SDK1: variants seen among roughly 807,000 people sequenced by gnomAD.
The protein encoded by SDK1 is sidekick cell adhesion molecule 1.
SDK1 carries 157 observed loss-of-function variants against 245.5 expected under a neutral mutation model. That is an observed-to-expected ratio of 0.64 (90% CI 0.56 to 0.73). The LOEUF is 0.73. Among genes scored for constraint, SDK1 ranks in the 30% least tolerant of loss-of-function variants. The pLI is 0.00. For synonymous variants in SDK1, 1,647 were observed against 1,278.5 expected, an observed-to-expected ratio of 1.29 and a Z score of -6.15; for missense variants, 3,583 against 3,002.3, an observed-to-expected ratio of 1.19 and a Z score of -4.52.
chr7:4,234,772 C>T (rs1786041864), intron 41 of SDK1, among the ~76,000 whole-genome samples: 5 of 152,182 alleles, frequency 3.3e-5, no homozygotes, highest in African/African-American at 9.6e-5. Flanking sequence ...TCGTGCAGAC[C>T]GGCTGCAAGC....
intron 27 of SDK1, 141 bp downstream of exon 27, chr7:4,130,238 G>A: frequency 1.2e-5 from 12 of 986,694 alleles, no homozygotes; most frequent in Non-Finnish European, 1.7e-5. Flanking sequence ...AAACAAAATT[G>A]TTTTTCAGTC....
chr7:3,564,880 A>C (rs1779860618), intron 1 of SDK1, among the ~76,000 whole-genome samples: 1 of 152,100 alleles, frequency 6.6e-6, no homozygotes, highest in African/African-American at 2.4e-5. Flanking sequence ...GTACCTGTGA[A>C]TGTAACAGTG....
rs372949290 is a variant in SDK1 at position 4,268,788 on chromosome 7, C to A, written c.*3404C>A. 15 of 1,350,204 alleles carry A rather than the reference C, an allele frequency of 1.1e-5. No homozygotes were observed. Among genetic ancestry groups the A allele is most frequent in the Middle Eastern group, 4.2e-4 (2 of 4,742 alleles). The allele number at this position is 1,350,204 out of a possible 1,614,324, so 83.6% of individuals were successfully genotyped here. ...CTGAAAGGTGAGGACAACGTGGAAA[C>A]TCATGAGCTGAGCCTGCCCGCTGGG... On this transcript the variant is annotated 3_prime_UTR_variant, in exon 45 of 45. Coordinates refer to ENST00000404826, the MANE Select transcript of SDK1 (RefSeq NM_152744.4).
At chr7:3,763,717 G>T (rs1430509085) in intron 4 of SDK1, among the ~76,000 whole-genome samples, 9 of 151,942 alleles carry the variant, frequency 5.9e-5, no homozygotes, top group African/African-American at 2.2e-4. Context: ...ACCTTTTTAG[G>T]GGTGGTGGTA....
intron 1 of SDK1, among the ~76,000 whole-genome samples, chr7:3,496,105 G>T (rs768384313): frequency 2.0e-5 from 3 of 152,172 alleles, no homozygotes; most frequent in Non-Finnish European, 4.4e-5. Context: ...GAGATGCGTA[G>T]TGTGGTCTTG....
intron 32 of SDK1, among the ~76,000 whole-genome samples, chr7:4,169,776 T>G (rs1399313150): frequency 1.3e-5 from 2 of 152,170 alleles, no homozygotes; most frequent in Non-Finnish European, 2.9e-5. Context: ...GCACCAGGCC[T>G]TCCTGGTGGC....
At chr7:3,685,191 A>C (rs1236117751) in intron 4 of SDK1, among the ~76,000 whole-genome samples, 3 of 143,272 alleles carry the variant, frequency 2.1e-5, no homozygotes, top group Non-Finnish European at 4.5e-5. Context: ...GACACATCAT[A>C]AATAAACTTG....
At chr7:3,958,543 C>T (rs1027783591) in intron 7 of SDK1, among the ~76,000 whole-genome samples, 9 of 152,190 alleles carry the variant, frequency 5.9e-5, no homozygotes, top group African/African-American at 2.2e-4. Context: ...GGCTGCACAC[C>T]TTCCTCGGGC....
At chr7:3,645,080 C>G (rs934300006) in intron 4 of SDK1, among the ~76,000 whole-genome samples, 4 of 152,148 alleles carry the variant, frequency 2.6e-5, no homozygotes, top group Non-Finnish European at 5.9e-5. Context: ...TGTGTTCTCA[C>G]TATATGCATG....
intron 1 of SDK1, among the ~76,000 whole-genome samples, chr7:3,392,875 T>C (rs1781794577): frequency 6.6e-6 from 1 of 152,100 alleles, no homozygotes; most frequent in African/African-American, 2.4e-5. Context: ...TGATGGACAC[T>C]TGGGTTGTTG....
intron 44 of SDK1, among the ~76,000 whole-genome samples, chr7:4,255,153 T>C (rs1283176670): frequency 1.3e-5 from 2 of 152,230 alleles, no homozygotes; most frequent in Non-Finnish European, 2.9e-5. Context: ...GGTTCTGTCT[T>C]TCAAACTGCT....
chr7:3,651,608 A>C (rs1479879649), intron 4 of SDK1, among the ~76,000 whole-genome samples: 2 of 152,214 alleles, frequency 1.3e-5, no homozygotes, highest in Non-Finnish European at 2.9e-5. Context: ...AATGGGGGAT[A>C]GATACTATGC....
intron 1 of SDK1, among the ~76,000 whole-genome samples, chr7:3,354,475 C>T (rs182139254): frequency 1.1e-4 from 17 of 152,104 alleles, no homozygotes; most frequent in Middle Eastern, 3.4e-3. Flanking sequence ...GAGAGTTTTC[C>T]GTGAAAGAAG....
Position 3,403,867 on chromosome 7 carries a change from A to T in SDK1, c.298+101983A>T, listed in dbSNP as rs1463747807. Among the ~76,000 whole-genome samples the T allele has an allele frequency of 4.3e-4, 44 of 101,994 alleles. 1 individual carries two copies. The highest frequency in any genetic ancestry group is 1.9e-3 in the African/African-American group (41 of 21,930). 66.9% of individuals were successfully genotyped at this position (101,994 alleles called of 152,430 possible). On this transcript the variant is annotated intron_variant, in intron 1 of 44. Coordinates refer to ENST00000404826, the MANE Select transcript of SDK1 (RefSeq NM_152744.4). ...TATATATATATATATATATATATAT[A>T]TAATATATATATTTATTTATATTAT...
intron 1 of SDK1, among the ~76,000 whole-genome samples, chr7:3,483,385 T>C (rs192302729): frequency 1.2e-4 from 19 of 152,310 alleles, no homozygotes; most frequent in African/African-American, 2.9e-4. Context: ...ATTGGCTATA[T>C]TGAAGATGTA....
intron 17 of SDK1, among the ~76,000 whole-genome samples, chr7:4,018,486 G>A (rs181083059): frequency 1.2e-4 from 19 of 152,332 alleles, no homozygotes; most frequent in Admixed American, 1.2e-3. Flanking sequence ...CTGTCCATAT[G>A]CAAGTAATTC....
intron 4 of SDK1, among the ~76,000 whole-genome samples, chr7:3,811,448 G>A (rs1282189339): frequency 5.9e-5 from 9 of 152,190 alleles, no homozygotes; most frequent in Admixed American, 6.5e-5. Flanking sequence ...TTAACTTTAA[G>A]TCAGGTTCGA....
At chr7:3,534,227 GCT>G in intron 1 of SDK1, among the ~76,000 whole-genome samples, 1 of 151,776 alleles carries the variant, frequency 6.6e-6, no homozygotes, top group Non-Finnish European at 1.5e-5. Context: ...GCAGGATTTC[GCT>G]CTTTTTTTTA....
At chr7:3,730,294 T>C (rs1779141060) in intron 4 of SDK1, among the ~76,000 whole-genome samples, 1 of 152,172 alleles carries the variant, frequency 6.6e-6, no homozygotes, top group Non-Finnish European at 1.5e-5. Context: ...TGTTGTGGTT[T>C]TCATGCCTGT....
Sources: gnomAD v4.1 joint callset for allele counts (sites outside exome capture counted in the v4.1 genomes callset) on GRCh38, gnomAD v4.1.1 for gene constraint, MANE v1.5 for transcripts, NCBI Gene and HGNC (gene_info 2026-07-23, HGNC 2026-07-21) for gene names.